Variants in EYS observed in about 807,000 individuals in gnomAD.
EYS encodes the protein EGF-like photoreceptor maintenance factor.
In EYS, 250 loss-of-function variants were observed where a neutral mutation model predicts 282.1. The observed-to-expected ratio is 0.89, with a 90% CI of 0.80 to 0.98. EYS has a LOEUF of 0.98. Ranked by LOEUF, EYS falls within the 50% of genes least tolerant of loss-of-function variation. The pLI, the probability that EYS is intolerant of heterozygous loss-of-function variation, is 0.00. For missense variants in EYS, 4,016 were observed against 3,709.0 expected, an observed-to-expected ratio of 1.08 and a Z score of -2.15; for synonymous variants, 1,355 against 1,282.9, an observed-to-expected ratio of 1.06 and a Z score of -1.20.
At chr6:64,436,699 T>C (rs1438628346) in intron 27 of EYS, among the ~76,000 whole-genome samples, 1 of 151,854 alleles carries the variant, frequency 6.6e-6, no homozygotes, top group Non-Finnish European at 1.5e-5. Context: ...AAACTAACCA[T>C]TCATTCCAAG....
In EYS at chr6:64,414,880, A is replaced by G. The variant is rs116918975; in HGVS notation, c.5927+21294T>C. Among the ~76,000 whole-genome samples the G allele has an allele frequency of 6.3e-4, 96 of 152,312 alleles. 2 individuals are homozygous for G. In the East Asian group the frequency reaches 0.013, roughly 21 times the overall value. Reference sequence around the variant, plus strand: ...TAATTTTGGAAATGAATACATAAAAATAGTAAAACACACTTTTTACTTGGA... The same window carrying G: ...TAATTTTGGAAATGAATACATAAAAGTAGTAAAACACACTTTTTACTTGGA... On this transcript the variant is annotated intron_variant, in intron 28 of 42. Transcript: ENST00000503581.
chr6:65,427,259 T>C (rs1489353784), intron 5 of EYS, among the ~76,000 whole-genome samples: 1 of 152,040 alleles, frequency 6.6e-6, no homozygotes, highest in Non-Finnish European at 1.5e-5. Flanking sequence ...TTTTAGCACA[T>C]TTCTTGGAAA....
chr6:64,031,609 A>C (rs59948657), intron 33 of EYS, among the ~76,000 whole-genome samples: 2,513 of 152,294 alleles, frequency 0.017, 59 homozygotes, highest in East Asian at 0.069. Flanking sequence ...GGACTTGCAG[A>C]ACCTTTATGT....
intron 26 of EYS, among the ~76,000 whole-genome samples, chr6:64,475,952 A>G (rs1776253262): frequency 6.6e-6 from 1 of 151,946 alleles, no homozygotes; most frequent in South Asian, 2.1e-4. Flanking sequence ...ATGCTCAGTT[A>G]TTTTTTTGAA....
intron 31 of EYS, among the ~76,000 whole-genome samples, chr6:64,166,912 C>A (rs1346375204): frequency 2.0e-5 from 3 of 152,054 alleles, no homozygotes; most frequent in African/African-American, 4.8e-5. Context: ...ATGTGCTATT[C>A]CTTTTTCACT....
At chr6:65,682,329 A>T (rs1360032863) in intron 1 of EYS, among the ~76,000 whole-genome samples, 2 of 151,890 alleles carry the variant, frequency 1.3e-5, no homozygotes, top group Admixed American at 6.6e-5. Context: ...TGGGAAGAAA[A>T]CATGGTATTT....
At chr6:64,245,691 G>A (rs1339926381) in intron 30 of EYS, among the ~76,000 whole-genome samples, 3 of 152,064 alleles carry the variant, frequency 2.0e-5, no homozygotes, top group African/African-American at 7.2e-5. Context: ...ATTTTTCACT[G>A]TAGCCTCATA....
chr6:64,557,431 T>C (rs998484047), intron 26 of EYS, among the ~76,000 whole-genome samples: 1 of 152,014 alleles, frequency 6.6e-6, no homozygotes, highest in African/African-American at 2.4e-5. Context: ...AAACATGTTA[T>C]TTTTGATATT....
At chr6:64,096,115 A>T (rs985186006) in intron 31 of EYS, among the ~76,000 whole-genome samples, 2 of 152,206 alleles carry the variant, frequency 1.3e-5, no homozygotes, top group African/African-American at 4.8e-5. Context: ...TTCTGCCGAG[A>T]GATCAGCTGT....
intron 33 of EYS, among the ~76,000 whole-genome samples, chr6:64,048,351 C>T (rs1770696703): frequency 6.6e-6 from 1 of 152,078 alleles, no homozygotes; most frequent in Non-Finnish European, 1.5e-5. Flanking sequence ...TACTCCATAA[C>T]TTTCCATTCA....
intron 22 of EYS, among the ~76,000 whole-genome samples, chr6:64,632,106 T>G (rs1767803707): frequency 6.6e-6 from 1 of 152,030 alleles, no homozygotes; most frequent in Admixed American, 6.6e-5. Context: ...TTTAAAATAT[T>G]AACTCTAAAT....
intron 33 of EYS, among the ~76,000 whole-genome samples, chr6:64,030,581 C>A (rs142604378): frequency 2.2e-3 from 340 of 152,246 alleles, no homozygotes; most frequent in African/African-American, 7.7e-3. Flanking sequence ...TGCCGCCCGG[C>A]GTTTACAGGA....
chr6:64,705,743 C>T (rs985159644), intron 22 of EYS, among the ~76,000 whole-genome samples: 8 of 148,764 alleles, frequency 5.4e-5, no homozygotes, highest in Non-Finnish European at 1.0e-4. Context: ...AACCAAACAC[C>T]GCATATTCTC....
intron 15 of EYS, among the ~76,000 whole-genome samples, chr6:64,927,342 T>G (rs1768550525): frequency 1.3e-5 from 2 of 152,122 alleles, no homozygotes. Flanking sequence ...AACATTGATC[T>G]GAGAAGAAAG....
chr6:65,017,842 T>G (rs1583402557), intron 13 of EYS, among the ~76,000 whole-genome samples: 3 of 152,262 alleles, frequency 2.0e-5, no homozygotes, highest in Non-Finnish European at 4.4e-5. Flanking sequence ...TAGATAACAA[T>G]TTTCGTAATA....
rs545778825 is a variant in EYS at position 64,470,013 on chromosome 6, C to T, written c.5645-30661G>A. On this transcript the variant is annotated intron_variant, in intron 26 of 42. Coordinates refer to ENST00000503581, the MANE Select transcript of EYS (RefSeq NM_001142800.2). Reference sequence around the variant, plus strand: ...TGGCTGCCAGGCAGGGAAGGGCCCCCTATCCAATGGACACGTGACCCACGT... The same window carrying T: ...TGGCTGCCAGGCAGGGAAGGGCCCCTTATCCAATGGACACGTGACCCACGT... 3.3e-5 allele frequency among the ~76,000 whole-genome samples: 5 copies of T among 152,318 alleles called. No homozygotes were observed. The South Asian group carries it at 1.0e-3, about 32-fold the overall frequency.
chr6:65,477,817 T>C lies in EYS; in HGVS notation c.862+12777A>G, dbSNP rs543284773. 1.1e-3 allele frequency among the ~76,000 whole-genome samples: 171 copies of C among 152,306 alleles called. 1 individual carries two copies. The highest frequency in any genetic ancestry group is 3.5e-3 in the African/African-American group (146 of 41,578). ...TATATTTTTCAATCTTTTTTCTGTG[T>C]GTTAATAAAACATGGAGAGAAAGCT... On this transcript the variant is annotated intron_variant, in intron 5 of 42. Transcript: ENST00000503581.
chr6:64,028,046 G>C (rs1332701114), intron 33 of EYS, among the ~76,000 whole-genome samples: 2 of 152,206 alleles, frequency 1.3e-5, no homozygotes, highest in Non-Finnish European at 2.9e-5. Flanking sequence ...GGGAGACTTT[G>C]CTCTTTTCAC....
chr6:65,531,647 T>A (rs1431585764), intron 2 of EYS, among the ~76,000 whole-genome samples: 1 of 152,188 alleles, frequency 6.6e-6, no homozygotes, highest in East Asian at 1.9e-4. Flanking sequence ...AGGCAGAATC[T>A]ATTTCCTCTT....
Sources: allele counts gnomAD v4.1 joint callset (sites outside exome capture counted in the v4.1 genomes callset), GRCh38; gene constraint gnomAD v4.1.1; transcripts MANE v1.5; gene names NCBI Gene and HGNC (gene_info 2026-07-23, HGNC 2026-07-21).